Variants in SLC10A7 observed in about 807,000 individuals in gnomAD.
SLC10A7 encodes the protein sodium/bile acid cotransporter 7.
A neutral mutation model predicts 43.2 loss-of-function variants in SLC10A7; 29 were observed. The ratio of observed to expected loss-of-function variants is 0.67; its 90% CI spans 0.50 to 0.92. The LOEUF (loss-of-function observed/expected upper bound fraction) is 0.92. SLC10A7 is among the 40% of genes least tolerant of loss of function. The pLI, the probability that SLC10A7 is intolerant of heterozygous loss-of-function variation, is 0.00. For synonymous variants in SLC10A7, 152 were observed against 144.8 expected (o/e 1.05, Z -0.35); for missense variants, 295 against 403.2 (o/e 0.73, Z 2.30).
At chr4:146,423,832 A>G (rs1486230538) in intron 5 of SLC10A7, among the ~76,000 whole-genome samples, 1 of 152,230 alleles carries the variant, frequency 6.6e-6, no homozygotes, top group Admixed American at 6.5e-5. Context: ...TGGTAATTCC[A>G]TTTAGAAAAT....
At chr4:146,300,650 G>C (rs1187747938) in intron 7 of SLC10A7, among the ~76,000 whole-genome samples, 1 of 152,192 alleles carries the variant, frequency 6.6e-6, no homozygotes, top group Admixed American at 6.5e-5. Flanking sequence ...TAATGTACCT[G>C]TGGGCCAGTT....
intron 5 of SLC10A7, among the ~76,000 whole-genome samples, chr4:146,420,345 T>C (rs902493315): frequency 6.6e-6 from 1 of 152,212 alleles, no homozygotes; most frequent in African/African-American, 2.4e-5. Flanking sequence ...CCAGTCTCTT[T>C]ATGTTTCTTG....
In SLC10A7 at chr4:146,353,408, C is replaced by T. The variant is rs201161908; in HGVS notation, c.436-27412G>A. 1.1e-3 allele frequency among the ~76,000 whole-genome samples: 151 copies of T among 142,438 alleles called. 1 individual carries two copies. In the East Asian group the frequency reaches 0.019, roughly 18 times the overall value. 93.4% of individuals were successfully genotyped at this position (142,438 alleles called of 152,430 possible). ...TGGCAATAATCAATAGTTTACCAAC[C>T]AAAAAGATTCCAGGACCAGATGGAT... On this transcript the variant is annotated intron_variant, in intron 5 of 11. Transcript: ENST00000335472.
At chr4:146,506,023 T>A (rs1736864302) in intron 3 of SLC10A7, among the ~76,000 whole-genome samples, 1 of 152,188 alleles carries the variant, frequency 6.6e-6, no homozygotes, top group Non-Finnish European at 1.5e-5. Context: ...CACTTCAGCC[T>A]CTCCGCCTTC....
intron 5 of SLC10A7, among the ~76,000 whole-genome samples, chr4:146,363,037 C>T (rs2630283): frequency 0.82 from 124,461 of 152,070 alleles, 51,731 homozygotes; most frequent in African/African-American, 0.95. Context: ...TGAATGTAAA[C>T]GGACCAAATT....
intron 10 of SLC10A7, among the ~76,000 whole-genome samples, chr4:146,261,543 TC>T (rs774319187): frequency 6.6e-6 from 1 of 152,202 alleles, no homozygotes; most frequent in Non-Finnish European, 1.5e-5. Flanking sequence ...ATTTCTGCTT[TC>T]CTGACGGACC....
intron 5 of SLC10A7, among the ~76,000 whole-genome samples, chr4:146,334,870 A>G (rs1733769778): frequency 6.6e-6 from 1 of 152,072 alleles, no homozygotes; most frequent in Non-Finnish European, 1.5e-5. Context: ...GAACATGAAG[A>G]ATTTTACTAA....
intron 6 of SLC10A7, among the ~76,000 whole-genome samples, chr4:146,315,407 A>T (rs570397655): frequency 6.6e-6 from 1 of 152,288 alleles, no homozygotes; most frequent in Non-Finnish European, 1.5e-5. Flanking sequence ...GAAAGGAAAG[A>T]TATGCAAGTT....
chr4:146,275,670 G>A lies in SLC10A7; in HGVS notation c.847+7522C>T, dbSNP rs145175062. Among the ~76,000 whole-genome samples the A allele has an allele frequency of 3.0e-3, 461 of 152,246 alleles. 2 individuals carry two copies. The highest frequency in any genetic ancestry group is 9.9e-3 in the African/African-American group (412 of 41,552). ...CAGATAAGGTATAAGCAGGAGATAA[G>A]GTATTCCAGCAGACAAGGCCAAAGG... is the stretch of plus-strand genomic sequence containing the variant. On this transcript the variant is annotated intron_variant, in intron 10 of 11. Transcript: ENST00000335472.
intron 5 of SLC10A7, among the ~76,000 whole-genome samples, chr4:146,418,985 C>T (rs1017899572): frequency 6.6e-6 from 1 of 152,196 alleles, no homozygotes; most frequent in Non-Finnish European, 1.5e-5. Flanking sequence ...AAGGATATTA[C>T]AAAGAACACA....
intron 4 of SLC10A7, among the ~76,000 whole-genome samples, chr4:146,495,727 T>C (rs993041030): frequency 2.0e-5 from 3 of 151,222 alleles, no homozygotes; most frequent in Middle Eastern, 3.4e-3. Flanking sequence ...TTAAATTGTC[T>C]TTGAAGAGAT....
At chr4:146,310,300 T>G (rs931809965) in intron 6 of SLC10A7, among the ~76,000 whole-genome samples, 3 of 152,162 alleles carry the variant, frequency 2.0e-5, no homozygotes, top group Non-Finnish European at 4.4e-5. Context: ...GTATGTATCT[T>G]TTTGATAGAA....
At chr4:146,413,909 C>G (rs1240134758) in intron 5 of SLC10A7, among the ~76,000 whole-genome samples, 1 of 152,152 alleles carries the variant, frequency 6.6e-6, no homozygotes, top group Non-Finnish European at 1.5e-5. Flanking sequence ...TCCAGTAGAG[C>G]TGAATATCAA....
chr4:146,499,391 T>G (rs911173062), intron 4 of SLC10A7, among the ~76,000 whole-genome samples: 1 of 152,180 alleles, frequency 6.6e-6, no homozygotes, highest in Non-Finnish European at 1.5e-5. Flanking sequence ...CTTGTGGACC[T>G]TTTCATTACA....
intron 4 of SLC10A7, among the ~76,000 whole-genome samples, chr4:146,464,288 CAG>C (rs1020614923): frequency 1.3e-5 from 2 of 152,100 alleles, no homozygotes; most frequent in African/African-American, 4.8e-5. Flanking sequence ...AGTTACAAAA[CAG>C]TACGCATTGT....
intron 10 of SLC10A7, among the ~76,000 whole-genome samples, chr4:146,259,350 T>C (rs573876051): frequency 6.6e-6 from 1 of 152,326 alleles, no homozygotes; most frequent in African/African-American, 2.4e-5. Flanking sequence ...CAACTGGACC[T>C]TAAAGGATTT....
intron 4 of SLC10A7, among the ~76,000 whole-genome samples, chr4:146,492,160 C>A (rs1735514549): frequency 6.6e-6 from 1 of 151,272 alleles, no homozygotes; most frequent in South Asian, 2.1e-4. Flanking sequence ...GCGGAGCTTG[C>A]AGTGAGCCGA....
intron 5 of SLC10A7, among the ~76,000 whole-genome samples, chr4:146,350,183 C>A (rs1438235975): frequency 7.0e-6 from 1 of 142,296 alleles, no homozygotes; most frequent in Non-Finnish European, 1.5e-5. Context: ...GCGCACCGTG[C>A]GCTAGCCGAA....
chr4:146,472,795 T>C lies in SLC10A7; in HGVS notation c.397-29974A>G, dbSNP rs1342689972. Among the ~76,000 whole-genome samples the C allele has an allele frequency of 3.3e-5, 5 of 152,226 alleles. No homozygotes were observed. In the East Asian group the frequency reaches 9.6e-4, roughly 29 times the overall value. On this transcript the variant is annotated intron_variant, in intron 4 of 11. Transcript: ENST00000335472. ...TTCTATGTCTGTTTAATGTACCCAA[T>C]GCATTTCCTTATTTATGATTTGAAT... is the stretch of plus-strand genomic sequence containing the variant.
Sources: gnomAD v4.1 joint callset for allele counts (sites outside exome capture counted in the v4.1 genomes callset) on GRCh38, gnomAD v4.1.1 for gene constraint, MANE v1.5 for transcripts, NCBI Gene and HGNC (gene_info 2026-07-23, HGNC 2026-07-21) for gene names.